Variants in ENTREP1 observed in about 807,000 individuals in gnomAD.
The protein encoded by ENTREP1 is Friedreich ataxia region gene X123.
the ENTREP1 span, among the ~76,000 whole-genome samples, chr9:69,358,696 C>T: frequency 6.6e-6 from 1 of 152,072 alleles, no homozygotes; most frequent in African/African-American, 2.4e-5. Context: ...AGTTTCTTCT[C>T]ATGAGGAAAT....
chr9:69,360,986 C>T, the ENTREP1 span, among the ~76,000 whole-genome samples: 2 of 152,080 alleles, frequency 1.3e-5, no homozygotes, highest in African/African-American at 2.4e-5. Flanking sequence ...GGAATTCTCT[C>T]TCAAAATTTT....
chr9:69,358,535 G>A, the ENTREP1 span, among the ~76,000 whole-genome samples: 1,350 of 152,164 alleles, frequency 8.9e-3, 14 homozygotes, highest in African/African-American at 0.03. Context: ...GTATCAAAAG[G>A]CTGCATATGA....
At chr9:69,324,880 T>A in the ENTREP1 span, 8 of 985,044 alleles carry the variant, frequency 8.1e-6, no homozygotes, top group South Asian at 2.8e-4. Flanking sequence ...ACGCTGAGAC[T>A]CTCGGTGGCC....
At chr9:69,390,822 G>A in the ENTREP1 span, among the ~76,000 whole-genome samples, 1 of 151,866 alleles carries the variant, frequency 6.6e-6, no homozygotes, top group Admixed American at 6.6e-5. Context: ...CTTATTTTTA[G>A]TAGAGATGAG....
chr9:69,377,339 A>T, the ENTREP1 span: 1 of 1,189,326 alleles, frequency 8.4e-7, no homozygotes, highest in Non-Finnish European at 1.3e-6. Context: ...TTGTTGAAGT[A>T]CTTAGTGGTG....
chr9:69,383,339 C>A, the ENTREP1 span: 2 of 1,119,326 alleles, frequency 1.8e-6, no homozygotes, highest in Non-Finnish European at 2.2e-6. Context: ...CCCCCATCCC[C>A]TGGCAGCCAC....
the ENTREP1 span, among the ~76,000 whole-genome samples, chr9:69,389,799 A>T: frequency 6.6e-6 from 1 of 152,188 alleles, no homozygotes; most frequent in African/African-American, 2.4e-5. Flanking sequence ...AAGAACAAGC[A>T]CTTATACAGT....
the ENTREP1 span, among the ~76,000 whole-genome samples, chr9:69,364,667 A>G: frequency 6.6e-6 from 1 of 152,142 alleles, no homozygotes. Context: ...TGTATCCTGG[A>G]AGATGATCCA....
chr9:69,391,824 C>T, the ENTREP1 span: 2 of 1,567,128 alleles, frequency 1.3e-6, no homozygotes, highest in African/African-American at 1.3e-5. Context: ...GACAGAAGGC[C>T]ACTCCAAGGG....
the ENTREP1 span, among the ~76,000 whole-genome samples, chr9:69,347,129 G>T: frequency 1.3e-5 from 2 of 152,210 alleles, no homozygotes; most frequent in Non-Finnish European, 2.9e-5. Flanking sequence ...TAGCTGACCA[G>T]ATGGGCCTCC....
chr9:69,357,312 A>C, the ENTREP1 span, among the ~76,000 whole-genome samples: 1 of 152,244 alleles, frequency 6.6e-6, no homozygotes, highest in South Asian at 2.1e-4. Flanking sequence ...CCAAATGATA[A>C]ATATTTGTGT....
At chr9:69,391,906 G>A in the ENTREP1 span, 7 of 1,171,226 alleles carry the variant, frequency 6.0e-6, no homozygotes, top group African/African-American at 1.1e-4. Flanking sequence ...GGAGCACTCT[G>A]GAGGACACGT....
the ENTREP1 span, chr9:69,336,080 A>G: frequency 3.2e-5 from 16 of 506,052 alleles, 1 homozygote; most frequent in Middle Eastern, 5.4e-3. Flanking sequence ...CCTGTAATCC[A>G]GGAGGAATAT....
chr9:69,336,276 A>T, the ENTREP1 span: 1 of 1,566,072 alleles, frequency 6.4e-7, no homozygotes, highest in Non-Finnish European at 8.8e-7. Context: ...CCTGGTATGT[A>T]CTGATCTTAT....
At chr9:69,345,571 A>T in the ENTREP1 span, among the ~76,000 whole-genome samples, 53 of 152,336 alleles carry the variant, frequency 3.5e-4, 1 homozygote, top group East Asian at 9.6e-3. Context: ...TTATTAAAAA[A>T]ATGGGAGCTC....
At chr9:69,341,147 T>G in the ENTREP1 span, among the ~76,000 whole-genome samples, 1 of 152,186 alleles carries the variant, frequency 6.6e-6, no homozygotes, top group Non-Finnish European at 1.5e-5. Context: ...TATGCCTGTA[T>G]TTTGGGTTCC....
the ENTREP1 span, chr9:69,377,384 C>T: frequency 1.2e-6 from 2 of 1,612,814 alleles, no homozygotes; most frequent in Non-Finnish European, 1.7e-6. Flanking sequence ...TCCTCTTTGC[C>T]CTGTGTGCCT....
the ENTREP1 span, chr9:69,391,798 C>T: frequency 1.3e-4 from 213 of 1,596,936 alleles, 1 homozygote; most frequent in South Asian, 2.3e-3. Context: ...GAGAGACTGT[C>T]CTGTGAACCC....
the ENTREP1 span, among the ~76,000 whole-genome samples, chr9:69,374,240 A>AT: frequency 1.3e-5 from 2 of 151,758 alleles, no homozygotes; most frequent in Admixed American, 1.3e-4. Flanking sequence ...AAATACCAGA[A>AT]TTTTTTTGTT....
Sources: allele counts gnomAD v4.1 joint callset (sites outside exome capture counted in the v4.1 genomes callset), GRCh38; gene constraint gnomAD v4.1.1; transcripts MANE v1.5; gene names NCBI Gene and HGNC (gene_info 2026-07-23, HGNC 2026-07-21).